VTI1A: variants seen among roughly 807,000 people sequenced by gnomAD.
VTI1A encodes the protein vesicle transport through interaction with t-SNAREs homolog 1A.
Under a neutral mutation model 34.9 loss-of-function variants are expected in VTI1A, and 22 were observed. The ratio of observed to expected loss-of-function variants is 0.63; its 90% CI spans 0.45 to 0.90. VTI1A has a LOEUF of 0.90. VTI1A is among the 40% of genes least tolerant of loss of function. The pLI is 0.00. For synonymous variants in VTI1A, 87 were observed against 97.3 expected (o/e 0.89, Z 0.62); for missense variants, 268 against 275.6 (o/e 0.97, Z 0.20).
chr10:112,656,028 G>A (rs889762139), intron 5 of VTI1A, among the ~76,000 whole-genome samples: 9 of 152,222 alleles, frequency 5.9e-5, no homozygotes, highest in Non-Finnish European at 8.8e-5. Context: ...GAGAATGAGA[G>A]CACTAGCTGG....
At chr10:112,601,667 G>A (rs767116412) in intron 5 of VTI1A, among the ~76,000 whole-genome samples, 16 of 152,008 alleles carry the variant, frequency 1.1e-4, no homozygotes, top group Non-Finnish European at 2.2e-4. Flanking sequence ...TGGGTAATAC[G>A]AATTCATCTC....
intron 5 of VTI1A, among the ~76,000 whole-genome samples, chr10:112,596,541 A>C (rs1287181644): frequency 6.6e-6 from 1 of 152,134 alleles, no homozygotes; most frequent in Non-Finnish European, 1.5e-5. Context: ...AATTCTGGCT[A>C]TTTCTTAGTG....
chr10:112,562,135 C>T (rs1234651793), intron 5 of VTI1A, among the ~76,000 whole-genome samples: 1 of 152,302 alleles, frequency 6.6e-6, no homozygotes, highest in Middle Eastern at 3.4e-3. Context: ...CTTTCCAGTA[C>T]TTGTCATATA....
At chr10:112,649,780 T>C (rs1024758360) in intron 5 of VTI1A, among the ~76,000 whole-genome samples, 2 of 152,214 alleles carry the variant, frequency 1.3e-5, no homozygotes, top group African/African-American at 4.8e-5. Context: ...CAAACCTGTA[T>C]AGTATGTTAC....
chr10:112,555,069 A>G (rs569162207), intron 5 of VTI1A, among the ~76,000 whole-genome samples: 20 of 152,254 alleles, frequency 1.3e-4, no homozygotes, highest in Middle Eastern at 3.4e-3. Flanking sequence ...GTATTATGAT[A>G]ATAATAGAAA....
At chr10:112,642,357 TC>T (rs1289258238) in intron 5 of VTI1A, among the ~76,000 whole-genome samples, 3 of 151,922 alleles carry the variant, frequency 2.0e-5, no homozygotes, top group East Asian at 3.9e-4. Flanking sequence ...ATTCCTCTGA[TC>T]CCCCCCTCTC....
chr10:112,821,086 C>A (rs1359354145), downstream of VTI1A, among the ~76,000 whole-genome samples: 1 of 152,214 alleles, frequency 6.6e-6, no homozygotes, highest in Admixed American at 6.5e-5. Flanking sequence ...GCTCGTTACT[C>A]GTGCTACATG....
intron 7 of VTI1A, among the ~76,000 whole-genome samples, chr10:112,747,970 A>C (rs1331679960): frequency 1.3e-5 from 2 of 152,146 alleles, no homozygotes; most frequent in Non-Finnish European, 2.9e-5. Flanking sequence ...TCCTAGACCA[A>C]AGCGGAGAGG....
intron 7 of VTI1A, among the ~76,000 whole-genome samples, chr10:112,717,553 G>A (rs1311179694): frequency 2.0e-5 from 3 of 152,106 alleles, no homozygotes. Flanking sequence ...TAGTCAAAAG[G>A]CCCTTCCATG....
chr10:112,579,529 T>C (rs1034738123), intron 5 of VTI1A, among the ~76,000 whole-genome samples: 1 of 152,036 alleles, frequency 6.6e-6, no homozygotes, highest in African/African-American at 2.4e-5. Context: ...TAGTGAGACA[T>C]TGTCTTTTAA....
At chr10:112,830,499 A>G in the VTI1A span, among the ~76,000 whole-genome samples, 3 of 150,974 alleles carry the variant, frequency 2.0e-5, no homozygotes, top group African/African-American at 4.9e-5. Flanking sequence ...CCTTCCTCCA[A>G]TCTCAAGAAG....
At chr10:112,569,187 C>T (rs1852024499) in intron 5 of VTI1A, among the ~76,000 whole-genome samples, 1 of 151,744 alleles carries the variant, frequency 6.6e-6, no homozygotes, top group African/African-American at 2.4e-5. Flanking sequence ...AAAGGTGAAA[C>T]TCAAGTAGGT....
At chr10:112,627,051 C>T (rs1027227137) in intron 5 of VTI1A, among the ~76,000 whole-genome samples, 1 of 152,148 alleles carries the variant, frequency 6.6e-6, no homozygotes, top group Non-Finnish European at 1.5e-5. Context: ...GATAATTGAT[C>T]CTCATTAAAT....
intron 7 of VTI1A, among the ~76,000 whole-genome samples, chr10:112,771,802 T>C (rs1467788058): frequency 6.6e-6 from 1 of 152,250 alleles, no homozygotes; most frequent in Non-Finnish European, 1.5e-5. Flanking sequence ...TCATAGAATA[T>C]GTGATTTTTT....
intron 7 of VTI1A, among the ~76,000 whole-genome samples, chr10:112,710,563 T>C (rs1312064327): frequency 1.3e-5 from 2 of 152,222 alleles, no homozygotes; most frequent in East Asian, 1.9e-4. Context: ...ATTATAGAAA[T>C]TGCAGAATTG....
At chr10:112,575,619 C>T (rs1056936585) in intron 5 of VTI1A, among the ~76,000 whole-genome samples, 7 of 152,100 alleles carry the variant, frequency 4.6e-5, no homozygotes, top group Admixed American at 3.9e-4. Flanking sequence ...TTAATACTGC[C>T]CTCATTTAAA....
intron 7 of VTI1A, among the ~76,000 whole-genome samples, chr10:112,723,440 C>T (rs1433359973): frequency 6.6e-6 from 1 of 152,184 alleles, no homozygotes. Context: ...GTTTTTCCAT[C>T]GAGCACTTGA....
intron 7 of VTI1A, among the ~76,000 whole-genome samples, chr10:112,791,837 T>TC: frequency 6.6e-6 from 1 of 151,728 alleles, no homozygotes; most frequent in Admixed American, 6.6e-5. Context: ...ATATAACTTT[T>TC]TTTTTTTTGC....
At chr10:112,701,746 A>G (rs796528843) in intron 7 of VTI1A, among the ~76,000 whole-genome samples, 7 of 152,334 alleles carry the variant, frequency 4.6e-5, no homozygotes, top group African/African-American at 1.7e-4. Context: ...GAATGTTGGT[A>G]TTTGATCTCT....
Sources: gnomAD v4.1 joint callset for allele counts (sites outside exome capture counted in the v4.1 genomes callset) on GRCh38, gnomAD v4.1.1 for gene constraint, MANE v1.5 for transcripts, NCBI Gene and HGNC (gene_info 2026-07-23, HGNC 2026-07-21) for gene names.